The following MACF1 variants were observed in gnomAD, a reference collection of about 807,000 sequenced individuals.
The protein encoded by MACF1 is microtubule-actin cross-linking factor 1.
MACF1 carries 193 observed loss-of-function variants against 854.8 expected under a neutral mutation model. The observed-to-expected ratio is 0.23, with a 90% CI of 0.20 to 0.25. The LOEUF is 0.25. MACF1 is among the 10% of genes least tolerant of loss of function. The pLI, the probability that MACF1 is intolerant of heterozygous loss-of-function variation, is 1.00. For synonymous variants in MACF1, 3,185 were observed against 3,226.7 expected, an observed-to-expected ratio of 0.99 and a Z score of 0.44; for missense variants, 7,722 against 8,929.1, an observed-to-expected ratio of 0.86 and a Z score of 5.45.
intron 2 of MACF1, among the ~76,000 whole-genome samples, chr1:39,190,403 T>TTG (rs1284447822): frequency 1.0e-4 from 10 of 97,618 alleles, no homozygotes; most frequent in African/African-American, 2.2e-4. Flanking sequence ...TTGTTTTTGT[T>TTG]TTTTTTTTTT....
chr1:39,128,329 C>T (rs1405993726), intron 2 of MACF1, among the ~76,000 whole-genome samples: 1 of 152,100 alleles, frequency 6.6e-6, no homozygotes, highest in Non-Finnish European at 1.5e-5. Context: ...TTAAGCAGTG[C>T]CCCCTGAGTA....
rs34440965 is a variant in MACF1, at chr1:39,152,857, TA to T, written c.220+68430del. Among the ~76,000 whole-genome samples the T allele has an allele frequency of 5.2e-3, 776 of 148,952 alleles. 9 individuals carry two copies. The highest frequency in any genetic ancestry group is 0.018 in the African/African-American group (722 of 40,512). ...CACAAACCAAGTGACTTAAACAAAT[TA>T]AAAAAAAAAAGGCAGTTGGTGGCCT... On this transcript the variant is annotated intron_variant, in intron 2 of 93. Coordinates refer to the MACF1 transcript ENST00000361689.
chr1:39,251,003 A>G (rs144096907), intron 3 of MACF1, among the ~76,000 whole-genome samples: 2 of 152,342 alleles, frequency 1.3e-5, no homozygotes, highest in African/African-American at 2.4e-5. Flanking sequence ...AAAGAGATGT[A>G]TAGCTCAAGT....
rs140590169 is a variant in MACF1, at chr1:39,358,773, A to T, written c.12020A>T (p.Gln4007Leu). The change falls in exon 46 of 101, where the codon CAG (glutamine) becomes CTG (leucine). Residue 4007 changes from glutamine to leucine, a missense_variant. Gln to Leu is a moderately radical substitution (Grantham distance 113, BLOSUM62 -2). Transcript: ENST00000564288. Reference sequence around the variant, plus strand: ...TTCCAAAACAGTGCTGACAGCCTGCAGGCCTGGATGCAGGCTTGTGAGGCC... The same window carrying T: ...TTCCAAAACAGTGCTGACAGCCTGCTGGCCTGGATGCAGGCTTGTGAGGCC... ...HQFQNSADSLQAWMQACEANV... is the reference protein window; with the variant it reads ...HQFQNSADSLLAWMQACEANV... The T allele has an allele frequency of 6.8e-6, 11 of 1,614,006 alleles. No homozygotes were observed. The African/African-American group carries it at 1.1e-4, about 16-fold the overall frequency.
At chr1:39,386,676 C>T (rs1162878131) in intron 57 of MACF1, among the ~76,000 whole-genome samples, 3 of 152,150 alleles carry the variant, frequency 2.0e-5, no homozygotes, top group Non-Finnish European at 2.9e-5. Flanking sequence ...GTGATCTGCC[C>T]GCCTTGGCCT....
At chr1:39,093,272 G>C (rs1641852563) in intron 2 of MACF1, among the ~76,000 whole-genome samples, 1 of 148,650 alleles carries the variant, frequency 6.7e-6, no homozygotes, top group Admixed American at 6.7e-5. Context: ...CAGTTTGAGG[G>C]TTCAGTCCCC....
chr1:39,105,245 G>T lies in MACF1; in HGVS notation c.220+20807G>T, dbSNP rs1193659731. Among the ~76,000 whole-genome samples, 1 of 151,054 alleles carries T rather than the reference G, an allele frequency of 6.6e-6. No homozygotes were observed. Among genetic ancestry groups the T allele is most frequent in the African/African-American group, 2.4e-5 (1 of 41,302 alleles). ...GCCCAGCCGGCCGCAGCCTGGGGCC[G>T]AGGACTCGCCGGGACCCGGAGGCGG... is the stretch of plus-strand genomic sequence containing the variant. On this transcript the variant is annotated intron_variant, in intron 2 of 93. Coordinates refer to the MACF1 transcript ENST00000361689. The surrounding 1 kb of genome is among the most constrained non-coding windows in gnomAD (Gnocchi z 5.9).
At chr1:39,349,130 AATT>A (rs1280709275) in intron 41 of MACF1, among the ~76,000 whole-genome samples, 2 of 152,106 alleles carry the variant, frequency 1.3e-5, no homozygotes, top group Non-Finnish European at 1.5e-5. Flanking sequence ...AGAACCACTA[AATT>A]ATTATCATCA....
At chr1:39,265,145 CA>C in intron 6 of MACF1, among the ~76,000 whole-genome samples, 1 of 152,110 alleles carries the variant, frequency 6.6e-6, no homozygotes, top group East Asian at 1.9e-4. Context: ...TTGAAATTTT[CA>C]AAAAATGGGA....
chr1:39,280,501 G>A (rs999244897), intron 6 of MACF1, among the ~76,000 whole-genome samples: 2 of 152,124 alleles, frequency 1.3e-5, no homozygotes, highest in Admixed American at 1.3e-4. Context: ...CCCCCCTCAG[G>A]AAACGTGCAG....
intron 35 of MACF1, among the ~76,000 whole-genome samples, chr1:39,325,058 G>A (rs1227915055): frequency 6.6e-6 from 1 of 152,206 alleles, no homozygotes; most frequent in African/African-American, 2.4e-5. Flanking sequence ...TGGAAACAAA[G>A]AGACTAATAT....
chr1:39,414,297 C>G, intron 58 of MACF1: 1 of 1,614,012 alleles, frequency 6.2e-7, no homozygotes, highest in Non-Finnish European at 8.5e-7. Flanking sequence ...GAGTTTCTGC[C>G]CACACTGACT....
intron 58 of MACF1, among the ~76,000 whole-genome samples, chr1:39,394,239 TTTGATTGATTGA>T (rs57627120): frequency 2.1e-4 from 31 of 149,692 alleles, no homozygotes; most frequent in South Asian, 1.7e-3. Context: ...AACGCCTTCA[TTTGATTGATTGA>T]TTGATTGATT....
chr1:39,398,012 T>G (rs1206954599), intron 58 of MACF1, among the ~76,000 whole-genome samples: 1 of 152,198 alleles, frequency 6.6e-6, no homozygotes, highest in African/African-American at 2.4e-5. Flanking sequence ...AAATAACTTG[T>G]TCGAGCCACA....
intron 11 of MACF1, 32 bp downstream of exon 11, chr1:39,284,460 G>A: frequency 6.9e-7 from 1 of 1,445,144 alleles, no homozygotes; most frequent in African/African-American, 1.4e-5. Context: ...TGAGACTTGG[G>A]GTTTGCTGGT....
At chr1:39,420,673 C>A (rs556323386) in intron 58 of MACF1, among the ~76,000 whole-genome samples, 3 of 152,174 alleles carry the variant, frequency 2.0e-5, no homozygotes, top group African/African-American at 7.2e-5. Context: ...GGTCTGTAGT[C>A]TCATATTGAC....
At chr1:39,372,422 C>T in intron 51 of MACF1, 57 bp from the exon 52 acceptor site, 1 of 932,764 alleles carries the variant, frequency 1.1e-6, no homozygotes, top group Non-Finnish European at 1.8e-6. Context: ...ACAGATGTCC[C>T]TACTTATGAG....
intron 6 of MACF1, 79 bp downstream of exon 6, chr1:39,258,107 C>T (rs985061942): frequency 1.8e-6 from 2 of 1,088,412 alleles, no homozygotes; most frequent in African/African-American, 3.1e-5. Flanking sequence ...CCACAGACAG[C>T]ATTGAGCCTT....
At chr1:39,262,454 T>C (rs1645175027) in intron 6 of MACF1, among the ~76,000 whole-genome samples, 1 of 140,516 alleles carries the variant, frequency 7.1e-6, no homozygotes, top group Admixed American at 7.2e-5. Flanking sequence ...TTGAACTAGA[T>C]ACAGACCATC....
Sources: allele counts gnomAD v4.1 joint callset (sites outside exome capture counted in the v4.1 genomes callset), GRCh38; gene constraint gnomAD v4.1.1; non-coding constraint Gnocchi (gnomAD v3.1); transcripts MANE v1.5; gene names NCBI Gene and HGNC (gene_info 2026-07-23, HGNC 2026-07-21).